The following SMAD6 variants were observed in gnomAD, a reference collection of about 807,000 sequenced individuals.
SMAD6 encodes SMAD family member 6.
A neutral mutation model predicts 39.4 loss-of-function variants in SMAD6; 103 were observed. The observed-to-expected ratio is 2.62, with a 90% CI of 2.23 to 3.08. The LOEUF is 3.08. SMAD6 is among the 30% of genes most tolerant of loss of function. The pLI, the probability that SMAD6 is intolerant of heterozygous loss-of-function variation, is 0.00. For missense variants in SMAD6, 1,104 were observed against 742.9 expected (o/e 1.49, Z -5.65); for synonymous variants, 445 against 353.3 (o/e 1.26, Z -2.91).
intron 3 of SMAD6, among the ~76,000 whole-genome samples, chr15:66,765,349 G>A (rs1017276657): frequency 1.1e-4 from 17 of 152,038 alleles, no homozygotes; most frequent in African/African-American, 3.9e-4. Context: ...TCAGCCTCCC[G>A]AGCAGCTGGG....
At chr15:66,751,466 A>T (rs940071797) in intron 3 of SMAD6, among the ~76,000 whole-genome samples, 1 of 152,168 alleles carries the variant, frequency 6.6e-6, no homozygotes, top group Non-Finnish European at 1.5e-5. Context: ...TGGACCTCCC[A>T]TCAGGCTGTG....
intron 3 of SMAD6, among the ~76,000 whole-genome samples, chr15:66,771,970 T>C (rs1385863370): frequency 6.6e-6 from 1 of 152,066 alleles, no homozygotes; most frequent in African/African-American, 2.4e-5. Flanking sequence ...AGGTGTGATA[T>C]TTGAAAAGCC....
chr15:66,766,391 G>A (rs1894288877), intron 3 of SMAD6, among the ~76,000 whole-genome samples: 2 of 152,182 alleles, frequency 1.3e-5, no homozygotes, highest in South Asian at 4.1e-4. Flanking sequence ...TGGCTGCCCT[G>A]GGTTTGGATT....
intron 2 of SMAD6, 49 bp from the exon 3 acceptor site, chr15:66,716,372 G>A: frequency 7.5e-7 from 1 of 1,326,458 alleles, no homozygotes; most frequent in Non-Finnish European, 1.1e-6. Flanking sequence ...AGAAAAAAGA[G>A]AGCGCTGCCC....
chr15:66,717,642 C>T (rs765126774), intron 3 of SMAD6: 13 of 359,552 alleles, frequency 3.6e-5, no homozygotes, highest in Non-Finnish European at 7.3e-5. Context: ...TTTGCCTATC[C>T]ATTCCCTTCT....
At chr15:66,731,820 T>C (rs1452306887) in intron 3 of SMAD6, among the ~76,000 whole-genome samples, 1 of 152,158 alleles carries the variant, frequency 6.6e-6, no homozygotes, top group Non-Finnish European at 1.5e-5. Flanking sequence ...GGTTGTACCA[T>C]TTTGCAATCC....
At position 66,781,303 on chromosome 15, in the gene SMAD6, C is replaced by CCGGCGG; in HGVS notation, c.1261_1266dup (p.Gly421_Gly422dup). ...GTCAACTCCCCGACGCTGGACGCGCCCGGCGGCCGCGCCCTGGTCGTGCGC... is the reference window on the plus strand; with the variant it reads ...GTCAACTCCCCGACGCTGGACGCGCCCGGCGGCGGCGGCCGCGCCCTGGTCGTGCGC... On this transcript the variant is annotated inframe_insertion, in exon 4 of 4. Coordinates refer to ENST00000288840, the MANE Select transcript of SMAD6 (RefSeq NM_005585.5). The CCGGCGG allele has an allele frequency of 6.2e-7, 1 of 1,602,738 alleles. No individual in the cohort carries two copies. The highest frequency in any genetic ancestry group is 1.1e-5 in the South Asian group (1 of 90,890).
chr15:66,703,336 CA>C lies in SMAD6; in HGVS notation c.79del (p.Ser27AlafsTer37). 1 of 1,484,634 alleles carries C rather than the reference CA, an allele frequency of 6.7e-7. No homozygotes were observed. The highest frequency in any genetic ancestry group is 9.0e-7 in the Non-Finnish European group (1 of 1,116,552). The allele number at this position is 1,484,634 out of a possible 1,614,324, so 92.0% of individuals were successfully genotyped here. A position where few individuals can be genotyped will look rare whatever the true frequency, so the allele number is the denominator to read the frequency against. On this transcript the variant is annotated frameshift_variant, in exon 1 of 4. Transcript: ENST00000288840. LOFTEE classifies it high-confidence loss of function. ...TGGTCCCCGACCGGGAGGAAGGCGG[CA>C]GCGGCGGCGGCGGTGGCGGCGACGA... ...RVVPDREEGG[S>X]GGGGGGDEDG...
chr15:66,737,455 A>C (rs941095266), intron 3 of SMAD6, among the ~76,000 whole-genome samples: 10 of 152,132 alleles, frequency 6.6e-5, no homozygotes, highest in Non-Finnish European at 8.8e-5. Context: ...CTTTGCTGCT[A>C]GCTCAGTACT....
At position 66,703,241 on chromosome 15, in the gene SMAD6, G is replaced by T; in HGVS notation, c.-18G>T. 2 of 1,387,496 alleles carry T rather than the reference G, an allele frequency of 1.4e-6. No homozygotes were observed. The highest frequency in any genetic ancestry group is 3.2e-5 in the South Asian group (2 of 61,632). The allele number at this position is 1,387,496 out of a possible 1,614,324, so 85.9% of individuals were successfully genotyped here. On this transcript the variant is annotated 5_prime_UTR_variant, in exon 1 of 4. Transcript: ENST00000288840. ...CGGAGACCGCCTCCCCCCCACCCCTGGCGCCAAAGGATATCGTATGTTCAG... is the reference window on the plus strand; with the variant it reads ...CGGAGACCGCCTCCCCCCCACCCCTTGCGCCAAAGGATATCGTATGTTCAG...
chr15:66,709,326 AG>A (rs1301024884), intron 1 of SMAD6, among the ~76,000 whole-genome samples: 1 of 152,204 alleles, frequency 6.6e-6, no homozygotes, highest in Non-Finnish European at 1.5e-5. Context: ...TCAGGTTCAT[AG>A]ATTTTCTTTC....
chr15:66,757,831 A>G (rs931897597), intron 3 of SMAD6, among the ~76,000 whole-genome samples: 1 of 152,166 alleles, frequency 6.6e-6, no homozygotes, highest in African/African-American at 2.4e-5. Context: ...GTGGCATGGA[A>G]TGCGCTGGGC....
chr15:66,739,080 TTTC>T (rs1465612144), intron 3 of SMAD6, among the ~76,000 whole-genome samples: 129 of 118,856 alleles, frequency 1.1e-3, no homozygotes, highest in Non-Finnish European at 1.9e-3. Context: ...AGGCCTTCTT[TTTC>T]TTCTTCTTTT....
rs12591946 is a variant in SMAD6 at position 66,781,211 on chromosome 15, C to T, written c.1167C>T (p.Phe389=). Residue 389 remains phenylalanine (F), a synonymous_variant, in exon 4 of 4, where the codon TTC becomes TTT. Coordinates refer to ENST00000288840, the MANE Select transcript of SMAD6 (RefSeq NM_005585.5). ...GGCGAACGCGCAGCAAGATCGGCTT[C>T]GGCATCCTGCTCAGCAAGGAGCCCG... ...SVRRTRSKIG[F]GILLSKEPDG... is the part of the protein sequence containing the mutation. The T allele has an allele frequency of 6.1e-3, 9,832 of 1,608,378 alleles. 625 individuals carry two copies. In the East Asian group the frequency reaches 0.15, roughly 24 times the overall value.
At chr15:66,774,364 C>T (rs1894429432) in intron 3 of SMAD6, among the ~76,000 whole-genome samples, 1 of 152,216 alleles carries the variant, frequency 6.6e-6, no homozygotes, top group African/African-American at 2.4e-5. Context: ...GTCCCTGCAC[C>T]CCCACAAAAT....
At chr15:66,743,930 A>G (rs934156710) in intron 3 of SMAD6, among the ~76,000 whole-genome samples, 3 of 151,948 alleles carry the variant, frequency 2.0e-5, no homozygotes, top group African/African-American at 4.8e-5. Context: ...AGGGCTGGAT[A>G]TTTAGGTTGT....
intron 3 of SMAD6, among the ~76,000 whole-genome samples, chr15:66,748,235 C>A (rs751994021): frequency 6.6e-5 from 10 of 150,444 alleles, no homozygotes; most frequent in Non-Finnish European, 1.2e-4. Flanking sequence ...AAGGAGTAGC[C>A]CCAGAGAGAA....
At chr15:66,760,852 C>T (rs1894185711) in intron 3 of SMAD6, among the ~76,000 whole-genome samples, 1 of 152,150 alleles carries the variant, frequency 6.6e-6, no homozygotes, top group Non-Finnish European at 1.5e-5. Context: ...TCCTTCCTGC[C>T]CTTGTCATCC....
intron 3 of SMAD6, among the ~76,000 whole-genome samples, chr15:66,720,953 T>C (rs1893421194): frequency 6.6e-6 from 1 of 152,060 alleles, no homozygotes; most frequent in Non-Finnish European, 1.5e-5. Flanking sequence ...GCCCTTCAGT[T>C]TAGAAAGGAG....
Sources: allele counts gnomAD v4.1 joint callset (sites outside exome capture counted in the v4.1 genomes callset), GRCh38; gene constraint gnomAD v4.1.1; transcripts MANE v1.5; gene names NCBI Gene and HGNC (gene_info 2026-07-23, HGNC 2026-07-21).